The following COL4A6 variants were observed in gnomAD, a reference collection of about 807,000 sequenced individuals.
The protein encoded by COL4A6 is collagen alpha-6(IV) chain.
COL4A6 carries 59 observed loss-of-function variants against 126.7 expected under a neutral mutation model. That is an observed-to-expected ratio of 0.47 (90% CI 0.38 to 0.58). COL4A6 has a LOEUF of 0.58. COL4A6 is among the 20% of genes least tolerant of loss of function. COL4A6 has a pLI of 0.00. For synonymous variants in COL4A6, 547 were observed against 496.6 expected (o/e 1.10, Z -1.35); for missense variants, 1,285 against 1,337.3 (o/e 0.96, Z 0.61).
chrX:108,202,039 T>G (rs1400080282), intron 13 of COL4A6, among the ~76,000 whole-genome samples: 1 of 111,829 alleles, frequency 8.9e-6, no homozygotes, highest in Non-Finnish European at 1.9e-5. Flanking sequence ...ACTGAGGTTT[T>G]CTTAACCTCA....
intron 2 of COL4A6, among the ~76,000 whole-genome samples, chrX:108,371,984 T>C (rs890268654): frequency 9.1e-6 from 1 of 110,073 alleles, no homozygotes; most frequent in African/African-American, 3.3e-5. Context: ...GCTGAGATCA[T>C]GGGAAACAAG....
intron 2 of COL4A6, among the ~76,000 whole-genome samples, chrX:108,422,759 T>C (rs1403682334): frequency 8.9e-6 from 1 of 112,044 alleles, no homozygotes; most frequent in Non-Finnish European, 1.9e-5. Flanking sequence ...AGCCTCAACC[T>C]ACTTTCATGG....
chrX:108,393,459 G>T (rs985339563), intron 2 of COL4A6, among the ~76,000 whole-genome samples: 1 of 112,132 alleles, frequency 8.9e-6, no homozygotes, highest in Non-Finnish European at 1.9e-5. Context: ...AAGCAGATTA[G>T]TGGTTGCTTG....
chrX:108,176,987 C>T lies in COL4A6; in HGVS notation c.2540G>A (p.Arg847Lys). Reference sequence around the variant, plus strand: ...TGATCCAGGAGGACCTTTCTTGCCTCTTGTTCCTTTCTTTCCAGGATGTCC... The same window carrying T: ...TGATCCAGGAGGACCTTTCTTGCCTTTTGTTCCTTTCTTTCCAGGATGTCC... The part of the protein sequence containing the change: ...ISGHPGKKGT[R>K]GKKGPPGSIV... Residue 847 changes from arginine (R) to lysine (K), a missense_variant, in exon 28 of 45, where the codon AGA becomes AAA. Physicochemically the swap from Arg to Lys is conservative, Grantham distance 26. Transcript: ENST00000334504. The T allele has an allele frequency of 4.1e-6, 5 of 1,211,215 alleles. No individual in the cohort carries two copies. The highest frequency in any genetic ancestry group is 5.6e-6 in the Non-Finnish European group (5 of 895,186).
intron 2 of COL4A6, among the ~76,000 whole-genome samples, chrX:108,406,245 A>G (rs1189572599): frequency 1.8e-5 from 2 of 112,023 alleles, no homozygotes; most frequent in Non-Finnish European, 3.8e-5. Flanking sequence ...TGCTGGGATT[A>G]TAGGTGTGAG....
intron 2 of COL4A6, among the ~76,000 whole-genome samples, chrX:108,434,643 T>A (rs1263012515): frequency 1.8e-5 from 2 of 110,307 alleles, no homozygotes; most frequent in African/African-American, 6.6e-5. Context: ...TAAAATATAT[T>A]TGAATTTCAC....
chrX:108,307,805 G>A (rs1456446007), intron 3 of COL4A6, among the ~76,000 whole-genome samples: 1 of 111,614 alleles, frequency 9.0e-6, no homozygotes, highest in African/African-American at 3.3e-5. Context: ...AATAGTGCTG[G>A]GGCCAATTTA....
At chrX:108,158,607 C>T (rs1289782234) in intron 44 of COL4A6, among the ~76,000 whole-genome samples, 1 of 112,041 alleles carries the variant, frequency 8.9e-6, no homozygotes, top group Non-Finnish European at 1.9e-5. Flanking sequence ...CTGGGATAAA[C>T]TATCCAATGT....
chrX:108,231,538 A>G (rs1407800300), intron 3 of COL4A6, among the ~76,000 whole-genome samples: 1 of 112,263 alleles, frequency 8.9e-6, no homozygotes, highest in African/African-American at 3.2e-5. Context: ...GGTGGGTATT[A>G]ATCTCATTTT....
chrX:108,186,307 G>A (rs768172561), intron 23 of COL4A6, among the ~76,000 whole-genome samples: 13 of 111,752 alleles, frequency 1.2e-4, no homozygotes, highest in African/African-American at 3.9e-4. Flanking sequence ...CAAGCATATA[G>A]GTATTTGAAA....
At chrX:108,306,446 G>A (rs2038628316) in intron 3 of COL4A6, among the ~76,000 whole-genome samples, 1 of 111,475 alleles carries the variant, frequency 9.0e-6, no homozygotes. Context: ...TGGGTAGTCA[G>A]GAGAGGGACA....
intron 6 of COL4A6, 72 bp downstream of exon 6, chrX:108,214,040 G>C: frequency 7.7e-6 from 7 of 909,676 alleles, no homozygotes; most frequent in Non-Finnish European, 9.6e-6. Context: ...GGTTTCCAGA[G>C]AGGCAGAAAA....
chrX:108,356,906 A>C (rs2039974528), intron 2 of COL4A6, among the ~76,000 whole-genome samples: 1 of 96,766 alleles, frequency 1.0e-5, no homozygotes, highest in African/African-American at 5.4e-5. Context: ...TTTCATCTGA[A>C]AAAAAAAAGC....
At chrX:108,159,989 C>T in intron 43 of COL4A6, 1 of 451,199 alleles carries the variant, frequency 2.2e-6, no homozygotes, top group Non-Finnish European at 4.0e-6. Context: ...AATTAATCTG[C>T]TTTGAAAGAA....
chrX:108,330,702 T>C (rs944573767), intron 2 of COL4A6, among the ~76,000 whole-genome samples: 1 of 111,031 alleles, frequency 9.0e-6, no homozygotes, highest in Non-Finnish European at 1.9e-5. Flanking sequence ...GGAGCATCTG[T>C]GTGCCCGTTT....
chrX:108,261,951 G>A (rs2147724911), intron 3 of COL4A6, among the ~76,000 whole-genome samples: 1 of 112,122 alleles, frequency 8.9e-6, no homozygotes, highest in South Asian at 3.7e-4. Flanking sequence ...GAGTGTAAAT[G>A]TATAGGAACA....
chrX:108,157,932 G>A (rs1167863749), intron 44 of COL4A6, among the ~76,000 whole-genome samples: 1 of 111,906 alleles, frequency 8.9e-6, no homozygotes, highest in African/African-American at 3.3e-5. Context: ...TGGACCACAA[G>A]GAGATAGGGA....
intron 2 of COL4A6, among the ~76,000 whole-genome samples, chrX:108,424,436 T>C (rs184760039): frequency 2.1e-4 from 24 of 112,056 alleles, no homozygotes; most frequent in African/African-American, 7.8e-4. Flanking sequence ...AATCATAAAA[T>C]CAAGGATGTC....
At chrX:108,273,083 G>A (rs958720134) in intron 3 of COL4A6, among the ~76,000 whole-genome samples, 1 of 109,522 alleles carries the variant, frequency 9.1e-6, no homozygotes, top group South Asian at 3.9e-4. Flanking sequence ...ATCCCTCCCC[G>A]CTCCCTCCAC....
Sources: gnomAD v4.1 joint callset for allele counts (sites outside exome capture counted in the v4.1 genomes callset) on GRCh38, gnomAD v4.1.1 for gene constraint, MANE v1.5 for transcripts, NCBI Gene and HGNC (gene_info 2026-07-23, HGNC 2026-07-21) for gene names.